Variants in RTN4RL1 observed in about 807,000 individuals in gnomAD.
RTN4RL1 encodes reticulon-4 receptor-like 1.
RTN4RL1 carries 7 observed loss-of-function variants against 25.6 expected under a neutral mutation model. The observed-to-expected ratio is 0.27, with a 90% confidence interval of 0.16 to 0.51. The LOEUF (loss-of-function observed/expected upper bound fraction) is 0.51. Among genes scored for constraint, RTN4RL1 ranks in the 20% least tolerant of loss-of-function variants. The pLI, the probability that RTN4RL1 is intolerant of heterozygous loss-of-function variation, is 0.97. For synonymous variants in RTN4RL1, 297 were observed against 288.2 expected (o/e 1.03, Z -0.31); for missense variants, 500 against 615.6 (o/e 0.81, Z 1.99).
At chr17:1,965,647 C>G (rs1401718828) in intron 1 of RTN4RL1, among the ~76,000 whole-genome samples, 2 of 152,090 alleles carry the variant, frequency 1.3e-5, no homozygotes, top group Non-Finnish European at 2.9e-5. Flanking sequence ...CTGGGCGACC[C>G]TCAGGGGTGC....
intron 1 of RTN4RL1, among the ~76,000 whole-genome samples, chr17:2,023,928 G>T (rs573136410): frequency 6.6e-6 from 1 of 152,204 alleles, no homozygotes; most frequent in Admixed American, 6.5e-5. Context: ...GCCAGGCGCG[G>T]GGGGGATCCC....
intron 1 of RTN4RL1, among the ~76,000 whole-genome samples, chr17:1,999,472 ACACAC>A (rs1190474689): frequency 6.6e-6 from 1 of 151,912 alleles, no homozygotes; most frequent in Non-Finnish European, 1.5e-5. Flanking sequence ...ACACACACAC[ACACAC>A]ATGAACTGCC....
chr17:1,949,038 G>C (rs1354322393), intron 1 of RTN4RL1, among the ~76,000 whole-genome samples: 1 of 151,186 alleles, frequency 6.6e-6, no homozygotes, highest in Admixed American at 6.6e-5. Context: ...CTCACTGCAA[G>C]CTCCGCCTCC....
At chr17:1,966,183 C>G (rs556045628) in intron 1 of RTN4RL1, among the ~76,000 whole-genome samples, 2 of 152,170 alleles carry the variant, frequency 1.3e-5, no homozygotes, top group Non-Finnish European at 2.9e-5. Flanking sequence ...TCCAACTCGA[C>G]GTGGTACAGT....
chr17:1,957,373 T>C lies in RTN4RL1; in HGVS notation c.14-19565A>G, dbSNP rs116767193. On this transcript the variant is annotated intron_variant, in intron 1 of 1. Transcript: ENST00000331238. ...ACAGACCAGGCCCGTGAGCCTCATATGAAGAGGAGACCGTGGGGAAGGGAA... is the reference window on the plus strand; with the variant it reads ...ACAGACCAGGCCCGTGAGCCTCATACGAAGAGGAGACCGTGGGGAAGGGAA... Among the ~76,000 whole-genome samples the C allele has an allele frequency of 2.6e-3, 396 of 152,308 alleles. 1 individual carries two copies. Among genetic ancestry groups the C allele is most frequent in the African/African-American group, 9.2e-3 (382 of 41,564 alleles).
chr17:2,009,530 T>C (rs1427401328), intron 1 of RTN4RL1, among the ~76,000 whole-genome samples: 2 of 115,084 alleles, frequency 1.7e-5, no homozygotes, highest in Non-Finnish European at 3.5e-5. Flanking sequence ...AGGTGGAGGT[T>C]GCAATGAGCC....
chr17:1,961,072 C>A (rs553319344), intron 1 of RTN4RL1, among the ~76,000 whole-genome samples: 11 of 152,290 alleles, frequency 7.2e-5, no homozygotes, highest in African/African-American at 2.6e-4. Context: ...CTTGTCGCTC[C>A]CTGTGATATC....
intron 1 of RTN4RL1, among the ~76,000 whole-genome samples, chr17:1,964,910 C>G (rs2066783104): frequency 6.9e-6 from 1 of 145,702 alleles, no homozygotes; most frequent in Non-Finnish European, 1.5e-5. Context: ...TGCCTCAGCC[C>G]TCTGAGTAAC....
chr17:1,960,020 GCTTCCC>G (rs1191698285), intron 1 of RTN4RL1, among the ~76,000 whole-genome samples: 1 of 152,174 alleles, frequency 6.6e-6, no homozygotes, highest in Non-Finnish European at 1.5e-5. Flanking sequence ...CACCGTGTAG[GCTTCCC>G]TGTCTCAGCA....
intron 1 of RTN4RL1, among the ~76,000 whole-genome samples, chr17:2,009,058 A>C (rs117481667): frequency 6.6e-6 from 1 of 152,314 alleles, no homozygotes; most frequent in East Asian, 1.9e-4. Context: ...GTCTGGCTGG[A>C]ACTGATGGTG....
chr17:1,946,668 GTGTC>G (rs984106534), intron 1 of RTN4RL1, among the ~76,000 whole-genome samples: 5 of 149,106 alleles, frequency 3.4e-5, no homozygotes, highest in South Asian at 2.1e-4. Flanking sequence ...GTGTGCATGT[GTGTC>G]TGTGTGCATC....
chr17:1,951,048 G>C (rs906369540), intron 1 of RTN4RL1, among the ~76,000 whole-genome samples: 2 of 151,588 alleles, frequency 1.3e-5, no homozygotes, highest in Non-Finnish European at 2.9e-5. Context: ...GGTGGATCAC[G>C]AGGTCAGGAG....
Position 1,935,711 on chromosome 17 carries a change from G to GTGTATATATA in RTN4RL1, c.*784_*785insTATATATACA, listed in dbSNP as rs1435954605. 5 of 157,462 alleles carry GTGTATATATA rather than the reference G, an allele frequency of 3.2e-5. No homozygotes were observed. Among genetic ancestry groups the GTGTATATATA allele is most frequent in the African/African-American group, 1.4e-4 (3 of 20,950 alleles). 9.8% of individuals were successfully genotyped at this position (157,462 alleles called of 1,614,324 possible). A position where few individuals can be genotyped will look rare whatever the true frequency, so the allele number is the denominator to read the frequency against. On this transcript the variant is annotated 3_prime_UTR_variant, in exon 2 of 2. Coordinates refer to ENST00000331238, the MANE Select transcript of RTN4RL1 (RefSeq NM_178568.4). ...AGTGGGAGGGGGACTGTGCATTTGT[G>GTGTATATATA]TATATATATATATATATATATATAT...
At position 1,998,146 on chromosome 17, in the gene RTN4RL1, G is replaced by A. The variant is rs1221172601; in HGVS notation, c.13+26707C>T. On this transcript the variant is annotated intron_variant, in intron 1 of 1. Coordinates refer to ENST00000331238, the MANE Select transcript of RTN4RL1 (RefSeq NM_178568.4). The surrounding 1 kb of genome is among the most constrained non-coding windows in gnomAD (Gnocchi z 4.9). ...AGCCAGACGGCGGCGGAGGGGGCGGGGAGGCCTCCTTGGCTCCCTGGCCCG... is the reference window on the plus strand; with the variant it reads ...AGCCAGACGGCGGCGGAGGGGGCGGAGAGGCCTCCTTGGCTCCCTGGCCCG... Among the ~76,000 whole-genome samples, 1 of 152,186 alleles carries A rather than the reference G, an allele frequency of 6.6e-6. No homozygotes were observed. The highest frequency in any genetic ancestry group is 2.4e-5 in the African/African-American group (1 of 41,462).
intron 1 of RTN4RL1, among the ~76,000 whole-genome samples, chr17:1,983,484 C>T (rs1478845163): frequency 2.0e-5 from 3 of 152,232 alleles, no homozygotes; most frequent in Non-Finnish European, 4.4e-5. Context: ...CTGCAGCCTT[C>T]GCCTCCTAGG....
chr17:1,943,860 G>C (rs1218268016), intron 1 of RTN4RL1, among the ~76,000 whole-genome samples: 1 of 152,184 alleles, frequency 6.6e-6, no homozygotes, highest in Non-Finnish European at 1.5e-5. Flanking sequence ...ATGGGCAGGG[G>C]CTCCTTGTCC....
chr17:2,000,088 A>G (rs1256297087), intron 1 of RTN4RL1, among the ~76,000 whole-genome samples: 1 of 152,246 alleles, frequency 6.6e-6, no homozygotes, highest in Non-Finnish European at 1.5e-5. Context: ...TGCCTGGGCC[A>G]GGGCTGCTGC....
At chr17:1,963,037 A>T (rs1341162988) in intron 1 of RTN4RL1, among the ~76,000 whole-genome samples, 2 of 152,054 alleles carry the variant, frequency 1.3e-5, no homozygotes, top group African/African-American at 4.8e-5. Flanking sequence ...TCCTGGGCTC[A>T]AACGATCCTC....
At chr17:1,960,604 C>G (rs764779757) in intron 1 of RTN4RL1, among the ~76,000 whole-genome samples, 3 of 152,180 alleles carry the variant, frequency 2.0e-5, no homozygotes, top group Non-Finnish European at 4.4e-5. Flanking sequence ...TTAAAGCGTA[C>G]AATTCACTGG....
Sources: allele counts gnomAD v4.1 joint callset (sites outside exome capture counted in the v4.1 genomes callset), GRCh38; gene constraint gnomAD v4.1.1; non-coding constraint Gnocchi (gnomAD v3.1); transcripts MANE v1.5; gene names NCBI Gene and HGNC (gene_info 2026-07-23, HGNC 2026-07-21).